Variants in GATAD2B observed in about 807,000 individuals in gnomAD.
GATAD2B encodes transcriptional repressor p66-beta.
GATAD2B carries 8 observed loss-of-function variants against 64.3 expected under a neutral mutation model. The observed-to-expected ratio is 0.12, with a 90% CI of 0.07 to 0.22. The LOEUF (loss-of-function observed/expected upper bound fraction) is 0.22. GATAD2B is among the 10% of genes least tolerant of loss of function. The pLI is 1.00. For synonymous variants in GATAD2B, 281 were observed against 271.3 expected, an observed-to-expected ratio of 1.04 and a Z score of -0.35; for missense variants, 453 against 752.0, an observed-to-expected ratio of 0.60 and a Z score of 4.65.
chr1:153,905,439 G>A (rs1326682314), intron 1 of GATAD2B, among the ~76,000 whole-genome samples: 2 of 149,500 alleles, frequency 1.3e-5, no homozygotes, highest in African/African-American at 2.5e-5. Context: ...ATCTATAACT[G>A]AGCAGAATCC....
chr1:153,847,906 T>C (rs781249961), intron 1 of GATAD2B, among the ~76,000 whole-genome samples: 11 of 152,232 alleles, frequency 7.2e-5, no homozygotes, highest in Non-Finnish European at 1.5e-4. Context: ...TTAATTTGAC[T>C]GATCTGCTCC....
At chr1:153,871,190 C>G (rs536787435) in intron 1 of GATAD2B, among the ~76,000 whole-genome samples, 129 of 152,270 alleles carry the variant, frequency 8.5e-4, no homozygotes, top group Non-Finnish European at 1.5e-3. Flanking sequence ...CCTCAGCCTC[C>G]CAAGTAGCTG....
intron 1 of GATAD2B, among the ~76,000 whole-genome samples, chr1:153,858,871 A>T (rs1676177190): frequency 6.6e-6 from 1 of 152,148 alleles, no homozygotes; most frequent in Non-Finnish European, 1.5e-5. Context: ...GACTATTCTT[A>T]AAAGTATGGT....
intron 1 of GATAD2B, among the ~76,000 whole-genome samples, chr1:153,889,343 C>T (rs1349896422): frequency 3.7e-5 from 5 of 136,776 alleles, no homozygotes; most frequent in South Asian, 2.5e-4. Context: ...ACCCAGGAGG[C>T]GGACGTTCTG....
At chr1:153,842,348 A>G (rs1675525720) in intron 1 of GATAD2B, among the ~76,000 whole-genome samples, 1 of 151,714 alleles carries the variant, frequency 6.6e-6, no homozygotes, top group African/African-American at 2.4e-5. Flanking sequence ...GAGTTTTGAG[A>G]GTTCTTTATG....
chr1:153,843,271 A>T lies in GATAD2B; in HGVS notation c.-1-14923T>A, dbSNP rs1443652888. ...CACCTCAGCCTCCCAAGCAGCTAGG[A>T]CTACAGGTGCACACCACCACACTTG... On this transcript the variant is annotated intron_variant, in intron 1 of 10. Transcript: ENST00000368655. 2.6e-5 allele frequency among the ~76,000 whole-genome samples: 4 copies of T among 151,380 alleles called. 1 individual carries two copies. The highest frequency in any genetic ancestry group is 7.3e-5 in the African/African-American group (3 of 41,156).
intron 1 of GATAD2B, chr1:153,853,130 C>G: frequency 6.9e-7 from 1 of 1,441,316 alleles, no homozygotes; most frequent in Non-Finnish European, 9.8e-7. Context: ...TCAGAATAGG[C>G]AGTCTCTCCT....
At chr1:153,858,186 T>C (rs546384991) in intron 1 of GATAD2B, among the ~76,000 whole-genome samples, 1 of 152,294 alleles carries the variant, frequency 6.6e-6, no homozygotes, top group East Asian at 1.9e-4. Flanking sequence ...TGACGGGATA[T>C]CCTTCCTTCC....
intron 1 of GATAD2B, chr1:153,852,911 T>C (rs1557804331): frequency 1.3e-6 from 1 of 795,112 alleles, no homozygotes; most frequent in Middle Eastern, 2.3e-4. Flanking sequence ...CCACTGCTCA[T>C]GAGCTGCATT....
At chr1:153,856,452 T>C (rs1047794200) in intron 1 of GATAD2B, among the ~76,000 whole-genome samples, 2 of 152,206 alleles carry the variant, frequency 1.3e-5, no homozygotes, top group South Asian at 4.1e-4. Flanking sequence ...TATGGCAAAA[T>C]ATTCACTGCT....
chr1:153,905,433 A>G (rs139575873), intron 1 of GATAD2B, among the ~76,000 whole-genome samples: 1 of 151,924 alleles, frequency 6.6e-6, no homozygotes, highest in African/African-American at 2.4e-5. Context: ...AAAACTATCT[A>G]TAACTGAGCA....
chr1:153,830,576 C>T (rs1217847697), intron 1 of GATAD2B, among the ~76,000 whole-genome samples: 6 of 144,748 alleles, frequency 4.1e-5, no homozygotes, highest in Admixed American at 7.0e-5. Flanking sequence ...CCCGGGTTCA[C>T]GCCATTCTCC....
intron 1 of GATAD2B, among the ~76,000 whole-genome samples, chr1:153,859,907 CTTTTTTTTTT>C (rs34557576): frequency 3.3e-5 from 2 of 60,876 alleles, no homozygotes; most frequent in Admixed American, 2.7e-4. Flanking sequence ...CTTTTCTTTT[CTTTTTTTTTT>C]TTTTTTTTTT....
chr1:153,852,396 G>A (rs2101911723), intron 1 of GATAD2B: 1 of 803,942 alleles, frequency 1.2e-6, no homozygotes, highest in South Asian at 1.3e-5. Flanking sequence ...GACCTTGGAT[G>A]TTCTGTGGTC....
chr1:153,880,806 T>C (rs1033918779), intron 1 of GATAD2B, among the ~76,000 whole-genome samples: 10 of 151,794 alleles, frequency 6.6e-5, no homozygotes, highest in African/African-American at 2.4e-4. Flanking sequence ...ATCACATCAC[T>C]GCACTCCAGC....
intron 1 of GATAD2B, among the ~76,000 whole-genome samples, chr1:153,839,505 C>A (rs1447138924): frequency 6.6e-6 from 1 of 151,976 alleles, no homozygotes; most frequent in Non-Finnish European, 1.5e-5. Flanking sequence ...ACCTCTAATT[C>A]TCAAAAATGA....
intron 1 of GATAD2B, among the ~76,000 whole-genome samples, chr1:153,914,067 A>C (rs1678182372): frequency 6.6e-6 from 1 of 151,636 alleles, no homozygotes; most frequent in Admixed American, 6.6e-5. Context: ...ACACAGTGAA[A>C]CCCCATGTCT....
chr1:153,903,842 G>A (rs1020606955), intron 1 of GATAD2B, among the ~76,000 whole-genome samples: 1 of 152,078 alleles, frequency 6.6e-6, no homozygotes, highest in African/African-American at 2.4e-5. Context: ...AAATTAGCTA[G>A]GTATGGTGGC....
intron 1 of GATAD2B, among the ~76,000 whole-genome samples, chr1:153,905,314 T>C (rs545370085): frequency 6.2e-4 from 94 of 150,616 alleles, no homozygotes; most frequent in Non-Finnish European, 1.2e-3. Context: ...GAGGTGGAGG[T>C]TGCAGTGAGC....
Sources: allele counts gnomAD v4.1 joint callset (sites outside exome capture counted in the v4.1 genomes callset), GRCh38; gene constraint gnomAD v4.1.1; transcripts MANE v1.5; gene names NCBI Gene and HGNC (gene_info 2026-07-23, HGNC 2026-07-21).